The following BRAF variants were observed in gnomAD, a reference collection of about 807,000 sequenced individuals.
The protein encoded by BRAF is B-Raf proto-oncogene, serine/threonine kinase, also known as serine/threonine-protein kinase B-raf.
BRAF carries 16 observed loss-of-function variants against 104.6 expected under a neutral mutation model. The observed-to-expected ratio is 0.15, with a 90% confidence interval of 0.10 to 0.23. The LOEUF is 0.23. BRAF is among the 10% of genes least tolerant of loss of function. The probability of loss-of-function intolerance (pLI) is 1.00; values close to 1 mark genes in which losing one functional copy is unlikely to be tolerated. For synonymous variants in BRAF, 310 were observed against 341.6 expected (o/e 0.91, Z 1.02); for missense variants, 541 against 937.3 (o/e 0.58, Z 5.52).
chr7:140,891,476 T>C (rs182638916), intron 1 of BRAF, among the ~76,000 whole-genome samples: 15 of 152,356 alleles, frequency 9.8e-5, no homozygotes, highest in African/African-American at 3.6e-4. Context: ...ATAGTTGTTA[T>C]ACTGTATTAT....
At position 140,924,821 on chromosome 7, in the gene BRAF, G is replaced by T. The variant is rs560175142; in HGVS notation, c.-118C>A. 1.2e-4 allele frequency: 45 copies of T among 379,918 alleles called. No homozygotes were observed. The South Asian group carries it at 3.2e-3, about 27-fold the overall frequency. The allele number at this position is 379,918 out of a possible 1,614,324, so 23.5% of individuals were successfully genotyped here. ...GGCGGAGGAGCGGGGGGCGCGGGGG[G>T]CGCGGGGAGGAGCGGCCCGGGCGGC... On this transcript the variant is annotated 5_prime_UTR_variant, in exon 1 of 20. Coordinates refer to ENST00000644969, the MANE Select transcript of BRAF (RefSeq NM_001374258.1). The surrounding 1 kb of genome is among the most constrained non-coding windows in gnomAD (Gnocchi z 4.2).
intron 2 of BRAF, among the ~76,000 whole-genome samples, chr7:140,839,301 T>A (rs766325865): frequency 7.9e-5 from 12 of 152,128 alleles, no homozygotes; most frequent in Non-Finnish European, 1.3e-4. Context: ...ATAGACTCCA[T>A]CTTTACAAAA....
chr7:140,805,860 C>T (rs1361840763), intron 5 of BRAF, among the ~76,000 whole-genome samples: 2 of 152,192 alleles, frequency 1.3e-5, no homozygotes, highest in African/African-American at 4.8e-5. Flanking sequence ...AACACTTTTC[C>T]TTTCTAAGCA....
At chr7:140,772,315 A>AC (rs1799931493) in intron 14 of BRAF, among the ~76,000 whole-genome samples, 2 of 150,692 alleles carry the variant, frequency 1.3e-5, no homozygotes, top group African/African-American at 2.4e-5. Context: ...AACAACAACA[A>AC]AGTTCAATCA....
intron 5 of BRAF, among the ~76,000 whole-genome samples, chr7:140,802,943 A>G (rs1803283341): frequency 6.6e-6 from 1 of 152,130 alleles, no homozygotes; most frequent in Non-Finnish European, 1.5e-5. Context: ...CAGTCCTAAA[A>G]GCTCTGTTCA....
chr7:140,726,231 T>C lies in BRAF; in HGVS notation c.*263A>G. ...TCAAAAGGTCAGAATTCAGGGTCTC[T>C]CCTCTTTCTTCCTGGGACTGGGCAG... On this transcript the variant is annotated 3_prime_UTR_variant, in exon 20 of 20. Coordinates refer to ENST00000644969, the MANE Select transcript of BRAF (RefSeq NM_001374258.1). 7.7e-7 allele frequency: 1 copy of C among 1,304,228 alleles called. No homozygotes were observed. Among genetic ancestry groups the C allele is most frequent in the Non-Finnish European group, 9.7e-7 (1 of 1,028,820 alleles). 80.8% of individuals were successfully genotyped at this position (1,304,228 alleles called of 1,614,324 possible).
At chr7:140,729,041 C>T (rs973499360) in intron 19 of BRAF, among the ~76,000 whole-genome samples, 1 of 120,814 alleles carries the variant, frequency 8.3e-6, no homozygotes, top group Non-Finnish European at 1.6e-5. Flanking sequence ...GGTAGGGCAA[C>T]ATAGTGAGAC....
rs11284960 is a variant in BRAF, at chr7:140,740,188, GC to G, written c.2113-243del. 0.1 allele frequency: 49,455 copies of G among 483,060 alleles called. 3,758 individuals are homozygous for G. Among genetic ancestry groups the G allele is most frequent in the African/African-American group, 0.3 (15,351 of 51,216 alleles). 29.9% of individuals were successfully genotyped at this position (483,060 alleles called of 1,614,324 possible). On this transcript the variant is annotated intron_variant, in intron 17 of 19. Coordinates refer to ENST00000644969, the MANE Select transcript of BRAF (RefSeq NM_001374258.1). Reference sequence around the variant, plus strand: ...GCAAAGGTTCTCTAATTGCTCCCCTGCTTTTGGTCTCTCTTTATCCAGTCCA... The same window carrying G: ...GCAAAGGTTCTCTAATTGCTCCCCTGTTTTGGTCTCTCTTTATCCAGTCCA...
chr7:140,809,668 T>C (rs1804021490), intron 3 of BRAF, among the ~76,000 whole-genome samples: 1 of 152,132 alleles, frequency 6.6e-6, no homozygotes. Context: ...CCTGAGTTCT[T>C]CCCTAAATTG....
In BRAF at chr7:140,924,580, C is replaced by G; in HGVS notation, c.124G>C (p.Ala42Pro). The change falls in exon 1 of 20, where the codon GCC becomes CCC. Residue 42 changes from alanine to proline, a missense_variant. By Grantham distance (27) the Ala-to-Pro change is conservative. Around this residue, in one of 10 missense-constraint regions of BRAF, gnomAD observed 82 missense variants for 65.9 expected, o/e 1.24. Coordinates refer to ENST00000644969, the MANE Select transcript of BRAF (RefSeq NM_001374258.1). This position sits in a 1 kb window ranked among gnomAD's most constrained non-coding sequence, Gnocchi z 4.2. Reference sequence around the variant, plus strand: ...CCAGCACTCACCTCCTCCGGAATGGCAGGGTCCGCAGCCGAAGAGGCCGCG... The same window carrying G: ...CCAGCACTCACCTCCTCCGGAATGGGAGGGTCCGCAGCCGAAGAGGCCGCG... The part of the protein sequence containing the change: ...GAAASSAADP[A>P]IPEEVWNIKQ... 6.5e-7 allele frequency: 1 copy of G among 1,531,524 alleles called. No individual in the cohort carries two copies. Among genetic ancestry groups the G allele is most frequent in the Non-Finnish European group, 8.7e-7 (1 of 1,145,288 alleles). 94.9% of individuals were successfully genotyped at this position (1,531,524 alleles called of 1,614,324 possible).
At chr7:140,793,455 G>C (rs1232120294) in intron 8 of BRAF, among the ~76,000 whole-genome samples, 1 of 152,022 alleles carries the variant, frequency 6.6e-6, no homozygotes, top group African/African-American at 2.4e-5. Flanking sequence ...AAAGTGGGAA[G>C]AAAGTCTGAT....
chr7:140,743,988 T>C (rs1797147722), intron 17 of BRAF, among the ~76,000 whole-genome samples: 1 of 152,144 alleles, frequency 6.6e-6, no homozygotes, highest in African/African-American at 2.4e-5. Flanking sequence ...GATGATTGAG[T>C]GATATATAGT....
chr7:140,719,342 G>A lies in BRAF; in HGVS notation c.*7152C>T. The stretch of plus-strand genomic sequence containing the variant: ...ATAGTCTTGATGAAGACTTCTCCAT[G>A]CAGTCAATCTTTATTATAGCAGTAT... On this transcript the variant is annotated 3_prime_UTR_variant, in exon 20 of 20. Transcript: ENST00000644969. 1.0e-6 allele frequency: 1 copy of A among 989,054 alleles called. No individual in the cohort carries two copies. Among genetic ancestry groups the A allele is most frequent in the Non-Finnish European group, 1.2e-6 (1 of 822,764 alleles). 61.3% of individuals were successfully genotyped at this position (989,054 alleles called of 1,614,324 possible).
chr7:140,722,552 T>C lies in BRAF; in HGVS notation c.*3942A>G. The C allele has an allele frequency of 9.5e-7, 1 of 1,056,610 alleles. No homozygotes were observed. The highest frequency in any genetic ancestry group is 4.3e-4 in the Middle Eastern group (1 of 2,330). The allele number at this position is 1,056,610 out of a possible 1,614,324, so 65.5% of individuals were successfully genotyped here. A position where few individuals can be genotyped will look rare whatever the true frequency, so the allele number is the denominator to read the frequency against. On this transcript the variant is annotated 3_prime_UTR_variant, in exon 20 of 20. Transcript: ENST00000644969. ...TCACAGTAAACCTTCCATCTCTGGC[T>C]ATGGTGTTTATAGCCTAATGGTTGG...
At chr7:140,896,306 CA>C (rs1814890120) in intron 1 of BRAF, among the ~76,000 whole-genome samples, 1 of 151,934 alleles carries the variant, frequency 6.6e-6, no homozygotes. Context: ...TATGAATATC[CA>C]GTAAAAAAAT....
chr7:140,721,573 ATATACT>A lies in BRAF; in HGVS notation c.*4915_*4920del. The stretch of plus-strand genomic sequence containing the variant: ...CCAGAGCTAGCAACATGGACCACAG[ATATACT>A]GGTGACTCCGCTCTCCTCTGGCCAA... On this transcript the variant is annotated 3_prime_UTR_variant, in exon 20 of 20. Coordinates refer to ENST00000644969, the MANE Select transcript of BRAF (RefSeq NM_001374258.1). 1 of 1,523,148 alleles carries A rather than the reference ATATACT, an allele frequency of 6.6e-7. No homozygotes were observed. The highest frequency in any genetic ancestry group is 8.8e-7 in the Non-Finnish European group (1 of 1,141,364). 94.4% of individuals were successfully genotyped at this position (1,523,148 alleles called of 1,614,324 possible). A position where few individuals can be genotyped will look rare whatever the true frequency, so the allele number is the denominator to read the frequency against.
At chr7:140,747,247 G>C (rs796576798) in intron 17 of BRAF, 15 of 328,394 alleles carry the variant, frequency 4.6e-5, no homozygotes, top group African/African-American at 1.8e-4. Flanking sequence ...GTAGTTGTAA[G>C]AGGACATCAT....
rs1451805454 is a variant in BRAF at position 140,734,189 on chromosome 7, C to T, written c.2401+428G>A. 12 of 1,089,276 alleles carry T rather than the reference C, an allele frequency of 1.1e-5. No individual in the cohort carries two copies. In the South Asian group the frequency reaches 1.6e-4, roughly 15 times the overall value. The allele number at this position is 1,089,276 out of a possible 1,614,324, so 67.5% of individuals were successfully genotyped here. A position where few individuals can be genotyped will look rare whatever the true frequency, so the allele number is the denominator to read the frequency against. ...TTTGCCTTATCTAACCCAGGCTAAC[C>T]GACTGCCAACTTCTCACCTGCAAAC... On this transcript the variant is annotated intron_variant, in intron 19 of 19. Transcript: ENST00000644969.
At chr7:140,736,048 T>TAGAGTCTATA (rs1796392261) in intron 18 of BRAF, among the ~76,000 whole-genome samples, 1 of 151,752 alleles carries the variant, frequency 6.6e-6, no homozygotes, top group Non-Finnish European at 1.5e-5. Flanking sequence ...TAACCACTGT[T>TAGAGTCTATA]AGAGTCTATA....
Sources: allele counts gnomAD v4.1 joint callset (sites outside exome capture counted in the v4.1 genomes callset), GRCh38; gene constraint gnomAD v4.1.1; regional missense constraint gnomAD v4.1.1; non-coding constraint Gnocchi (gnomAD v3.1); transcripts MANE v1.5; gene names NCBI Gene and HGNC (gene_info 2026-07-23, HGNC 2026-07-21).